THOC2: variants seen among roughly 807,000 people sequenced by gnomAD.
THOC2 encodes the protein THO complex subunit 2, also known as THO complex 2.
Under a neutral mutation model 128.4 loss-of-function variants are expected in THOC2, and 10 were observed. The ratio of observed to expected loss-of-function variants is 0.08; its 90% CI spans 0.05 to 0.13. The LOEUF (loss-of-function observed/expected upper bound fraction) is 0.13. Ranked by LOEUF, THOC2 falls within the 10% of genes least tolerant of loss-of-function variation. The pLI is 1.00. For missense variants in THOC2, 535 were observed against 1,155.7 expected (o/e 0.46, Z 7.79); for synonymous variants, 393 against 396.9 (o/e 0.99, Z 0.12).
chrX:123,619,325 G>A, intron 33 of THOC2, 76 bp downstream of exon 33: 1 of 605,076 alleles, frequency 1.7e-6, no homozygotes, highest in Admixed American at 2.6e-5. Flanking sequence ...ATGTACTAGG[G>A]TGAGGACATC....
chrX:123,669,273 G>T (rs1025933171), intron 9 of THOC2, among the ~76,000 whole-genome samples: 16 of 108,394 alleles, frequency 1.5e-4, no homozygotes, highest in African/African-American at 5.4e-4. Flanking sequence ...AAACACATTT[G>T]TATTGCTGTA....
chrX:123,710,662 T>C (rs1281405188), intron 2 of THOC2, among the ~76,000 whole-genome samples: 1 of 110,635 alleles, frequency 9.0e-6, no homozygotes, highest in Non-Finnish European at 1.9e-5. Context: ...CTTACCCATA[T>C]GACAGGGTGA....
At chrX:123,648,133 A>G (rs1173351231) in intron 12 of THOC2, among the ~76,000 whole-genome samples, 2 of 111,362 alleles carry the variant, frequency 1.8e-5, no homozygotes, top group East Asian at 5.7e-4. Flanking sequence ...GACTGGTTAA[A>G]CAGTGGGTGC....
At chrX:123,604,149 A>G (rs2046382534) in intron 38 of THOC2, among the ~76,000 whole-genome samples, 2 of 111,912 alleles carry the variant, frequency 1.8e-5, no homozygotes, top group Admixed American at 1.9e-4. Context: ...CACATCTAGG[A>G]CTGTTGCTGC....
At chrX:123,684,491 C>A (rs752437037) in intron 8 of THOC2, among the ~76,000 whole-genome samples, 1 of 111,921 alleles carries the variant, frequency 8.9e-6, no homozygotes, top group Non-Finnish European at 1.9e-5. Flanking sequence ...TCAAGAGATT[C>A]TCCTGACTCA....
chrX:123,643,179 G>C (rs1410233149), intron 15 of THOC2, among the ~76,000 whole-genome samples: 1 of 111,235 alleles, frequency 9.0e-6, no homozygotes, highest in Non-Finnish European at 1.9e-5. Flanking sequence ...GGGAAGAGAA[G>C]CTAAGGAGAG....
chrX:123,716,225 T>C (rs776393519), intron 1 of THOC2, among the ~76,000 whole-genome samples: 31 of 112,874 alleles, frequency 2.7e-4, no homozygotes, highest in Non-Finnish European at 5.4e-4. Flanking sequence ...CTTGATCATC[T>C]CATTAGATGC....
intron 4 of THOC2, among the ~76,000 whole-genome samples, chrX:123,701,145 G>A (rs2050686144): frequency 9.0e-6 from 1 of 111,308 alleles, no homozygotes; most frequent in Non-Finnish European, 1.9e-5. Context: ...TTGAGGTCAG[G>A]AGTTTGAGAC....
intron 33 of THOC2, among the ~76,000 whole-genome samples, chrX:123,617,464 A>G (rs1369645541): frequency 1.8e-5 from 2 of 111,422 alleles, no homozygotes; most frequent in East Asian, 5.6e-4. Context: ...CAAGCACACT[A>G]AAGGAGCTAG....
At chrX:123,624,340 A>C (rs1385381814) in intron 26 of THOC2, 149 bp from the exon 27 acceptor site, 1 of 719,750 alleles carries the variant, frequency 1.4e-6, no homozygotes, top group African/African-American at 2.2e-5. Flanking sequence ...ACTTATACAA[A>C]GATACTAATT....
chrX:123,682,892 C>T, intron 8 of THOC2, among the ~76,000 whole-genome samples: 1 of 110,935 alleles, frequency 9.0e-6, no homozygotes, highest in Non-Finnish European at 1.9e-5. Context: ...AATCAAAGGG[C>T]AATATGGATG....
chrX:123,684,268 C>T (rs762451054), intron 8 of THOC2, among the ~76,000 whole-genome samples: 56 of 112,127 alleles, frequency 5.0e-4, no homozygotes, highest in Non-Finnish European at 8.3e-4. Context: ...TAATCATGCA[C>T]AAGTTAAATT....
chrX:123,638,769 TACACACAC>T (rs745502483), intron 17 of THOC2, among the ~76,000 whole-genome samples, 157 bp downstream of exon 17: 10 of 93,597 alleles, frequency 1.1e-4, no homozygotes, highest in Non-Finnish European at 1.7e-4. Context: ...CTCTCTCACA[TACACACAC>T]ACACACACAC....
chrX:123,632,992 A>G lies in THOC2; in HGVS notation c.2185T>C (p.Leu729=), dbSNP rs1429170289. The G allele has an allele frequency of 2.5e-6, 3 of 1,210,718 alleles. No individual in the cohort carries two copies. ...IRNTKKSSQR[L]KDALLDHDLA... ...TCATGGTCCAATAGAGCATCCTTTA[A>G]TCTCTGAGAGGATTTTTTAGTGTTT... Residue 729 remains leucine, a synonymous_variant, in exon 21 of 39, where the codon TTA becomes CTA. Coordinates refer to ENST00000245838, the MANE Select transcript of THOC2 (RefSeq NM_001081550.2).
chrX:123,668,078 C>T, intron 10 of THOC2, 81 bp downstream of exon 10: 1 of 720,534 alleles, frequency 1.4e-6, no homozygotes, highest in Non-Finnish European at 1.9e-6. Flanking sequence ...ATTATTCTTC[C>T]ATAAATGACT....
chrX:123,710,127 CCCCTCAAA>C (rs1461978040), intron 2 of THOC2, among the ~76,000 whole-genome samples: 1 of 111,758 alleles, frequency 8.9e-6, no homozygotes, highest in African/African-American at 3.3e-5. Context: ...CAAACTGGAG[CCCCTCAAA>C]CCAACGCCTG....
intron 12 of THOC2, among the ~76,000 whole-genome samples, chrX:123,647,430 G>A (rs1294718950): frequency 9.0e-6 from 1 of 110,904 alleles, no homozygotes; most frequent in Non-Finnish European, 1.9e-5. Context: ...AACAGGGAGG[G>A]AGAACAAGAG....
At chrX:123,676,430 A>G (rs1009319465) in intron 8 of THOC2, among the ~76,000 whole-genome samples, 1 of 112,207 alleles carries the variant, frequency 8.9e-6, no homozygotes, top group Admixed American at 9.5e-5. Flanking sequence ...GGGGGCTAGT[A>G]GACAGGCAAT....
intron 8 of THOC2, among the ~76,000 whole-genome samples, chrX:123,673,644 T>G (rs1281505113): frequency 1.8e-5 from 2 of 111,974 alleles, no homozygotes. Context: ...TTCCACGGAA[T>G]CATATGGAAT....
Sources: allele counts gnomAD v4.1 joint callset (sites outside exome capture counted in the v4.1 genomes callset), GRCh38; gene constraint gnomAD v4.1.1; transcripts MANE v1.5; gene names NCBI Gene and HGNC (gene_info 2026-07-23, HGNC 2026-07-21).